SPINK14: variants seen among roughly 807,000 people sequenced by gnomAD.
SPINK14 encodes the protein serine protease inhibitor Kazal-type 14.
A neutral mutation model predicts 14.2 loss-of-function variants in SPINK14; 6 were observed. The ratio of observed to expected loss-of-function variants is 0.42; its 90% confidence interval spans 0.23 to 0.83. SPINK14 has a LOEUF of 0.83. SPINK14 is among the 40% of genes least tolerant of loss of function. The pLI is 0.28. For synonymous variants in SPINK14, 34 were observed against 36.8 expected (o/e 0.92, Z 0.27); for missense variants, 86 against 108.3 (o/e 0.79, Z 0.91).
At chr5:148,171,081 C>T (rs1179460521) in intron 3 of SPINK14, 108 bp downstream of exon 3, 3 of 993,274 alleles carry the variant, frequency 3.0e-6, no homozygotes, top group African/African-American at 3.3e-5. Context: ...CCGTAATAGT[C>T]TTCAAGGCCT....
chr5:148,170,140 T>G, intron 2 of SPINK14, among the ~76,000 whole-genome samples: 1 of 147,660 alleles, frequency 6.8e-6, no homozygotes, highest in Non-Finnish European at 1.5e-5. Context: ...AGTATATATA[T>G]GTATACACAT....
rs777519973 is a variant in SPINK14 at position 148,170,169 on chromosome 5, T to TAC, written c.67+371_67+372insCA. 1.9e-3 allele frequency among the ~76,000 whole-genome samples: 200 copies of TAC among 105,686 alleles called. 1 individual carries two copies. The highest frequency in any genetic ancestry group is 5.1e-3 in the African/African-American group (164 of 31,942). 69.3% of individuals were successfully genotyped at this position (105,686 alleles called of 152,430 possible). A position where few individuals can be genotyped will look rare whatever the true frequency, so the allele number is the denominator to read the frequency against. ...TACACATACTCAGAGTATATATATA[T>TAC]ATATACACACACACACACACACACA... is the stretch of plus-strand genomic sequence containing the variant. On this transcript the variant is annotated intron_variant, in intron 2 of 4. Coordinates refer to ENST00000356972, the MANE Select transcript of SPINK14 (RefSeq NM_001001325.2).
intron 4 of SPINK14, 36 bp from the exon 5 acceptor site, chr5:148,175,317 T>C (rs1398773662): frequency 7.6e-7 from 1 of 1,316,950 alleles, no homozygotes; most frequent in East Asian, 2.3e-5. Context: ...GACATTGTAT[T>C]ACTAAATGAA....
At chr5:148,170,583 G>A (rs1051109406) in intron 2 of SPINK14, among the ~76,000 whole-genome samples, 1 of 151,978 alleles carries the variant, frequency 6.6e-6, no homozygotes, top group African/African-American at 2.4e-5. Context: ...TGATGATTGG[G>A]CCAAAAGATC....
At chr5:148,171,897 T>C (rs1194409381) in intron 3 of SPINK14, among the ~76,000 whole-genome samples, 1 of 152,134 alleles carries the variant, frequency 6.6e-6, no homozygotes, top group East Asian at 1.9e-4. Flanking sequence ...ACCTGCAGGA[T>C]AAGTCTGCCT....
chr5:148,172,855 C>A (rs1238438625), intron 3 of SPINK14, among the ~76,000 whole-genome samples: 1 of 151,942 alleles, frequency 6.6e-6, no homozygotes, highest in South Asian at 2.1e-4. Context: ...AAAAGAAAAG[C>A]AAACTAACGA....
At chr5:148,175,284 T>TC in intron 4 of SPINK14, 69 bp from the exon 5 acceptor site, 2 of 1,019,462 alleles carry the variant, frequency 2.0e-6, no homozygotes, top group Non-Finnish European at 2.9e-6. Flanking sequence ...GATAGATAAT[T>TC]TTAAAAGTAT....
At chr5:148,173,870 T>TC (rs1755137716) in intron 3 of SPINK14, among the ~76,000 whole-genome samples, 1 of 89,294 alleles carries the variant, frequency 1.1e-5, no homozygotes. Context: ...TTTTTTTTTT[T>TC]TTTTTAGGTG....
At chr5:148,172,216 A>T (rs1755114470) in intron 3 of SPINK14, among the ~76,000 whole-genome samples, 1 of 152,162 alleles carries the variant, frequency 6.6e-6, no homozygotes, top group South Asian at 2.1e-4. Context: ...GTGAGACTTG[A>T]AGGATAAAAA....
At position 148,175,360 on chromosome 5, in the gene SPINK14, C is replaced by G. The variant is rs1208188266; in HGVS notation, c.256C>G (p.His86Asp). The G allele has an allele frequency of 6.3e-7, 1 of 1,593,028 alleles. No individual in the cohort carries two copies. The highest frequency in any genetic ancestry group is 1.3e-5 in the African/African-American group (1 of 74,382). The part of the protein sequence containing the change: ...CILCVESLKS[H>D]GRIRFYHDGK... ...TTCTGATTCTTCCTTTAGGAAATCT[C>G]ATGGAAGAATCAGGTTTTACCATGA... Residue 86 changes from histidine (H) to aspartate (D), a missense_variant, in exon 5 of 5, where the codon CAT (histidine) becomes GAT (aspartate). His to Asp is a moderately conservative substitution (Grantham distance 81). Transcript: ENST00000356972.
At chr5:148,171,185 CAG>C (rs1755101566) in intron 3 of SPINK14, among the ~76,000 whole-genome samples, 1 of 152,074 alleles carries the variant, frequency 6.6e-6, no homozygotes, top group African/African-American at 2.4e-5. Flanking sequence ...ATACATACAC[CAG>C]AGAACCCTCT....
chr5:148,170,215 G>T (rs528004269), intron 2 of SPINK14, among the ~76,000 whole-genome samples: 2,135 of 145,618 alleles, frequency 0.015, 47 homozygotes, highest in African/African-American at 0.049. Flanking sequence ...TATATATATA[G>T]AGAGAGAGAG....
intron 2 of SPINK14, 143 bp from the exon 3 acceptor site, chr5:148,170,787 A>G (rs1464709295): frequency 5.5e-6 from 4 of 724,170 alleles, no homozygotes; most frequent in Non-Finnish European, 9.5e-6. Flanking sequence ...AAAAAAATGA[A>G]TGAATACATG....
Position 148,175,501 on chromosome 5 carries a change from C to A in SPINK14, c.*103C>A. On this transcript the variant is annotated 3_prime_UTR_variant, in exon 5 of 5. Transcript: ENST00000356972. ...ATCTCCTTGCATTTGTTCTTCATGA[C>A]AAAGAGCTATCACTACTGAGCTTGT... is the stretch of plus-strand genomic sequence containing the variant. 3 of 888,408 alleles carry A rather than the reference C, an allele frequency of 3.4e-6. No individual in the cohort carries two copies. Among genetic ancestry groups the A allele is most frequent in the Non-Finnish European group, 5.4e-6 (3 of 554,622 alleles). The allele number at this position is 888,408 out of a possible 1,614,324, so 55.0% of individuals were successfully genotyped here.
chr5:148,172,606 C>G (rs1304522381), intron 3 of SPINK14, among the ~76,000 whole-genome samples: 1 of 152,044 alleles, frequency 6.6e-6, no homozygotes, highest in Non-Finnish European at 1.5e-5. Context: ...GGCTTATACT[C>G]CTTTGGGGGT....
chr5:148,174,255 G>C lies in SPINK14; in HGVS notation c.133G>C (p.Val45Leu). The C allele has an allele frequency of 1.8e-6, 2 of 1,114,414 alleles. 1 individual carries two copies. The highest frequency in any genetic ancestry group is 3.1e-5 in the South Asian group (2 of 64,326). The allele number at this position is 1,114,414 out of a possible 1,614,324, so 69.0% of individuals were successfully genotyped here. A position where few individuals can be genotyped will look rare whatever the true frequency, so the allele number is the denominator to read the frequency against. Residue 45 changes from valine (V) to leucine (L), a missense_variant, in exon 4 of 5, where the codon GTA becomes CTA. Val to Leu is a conservative substitution (Grantham distance 32). Transcript: ENST00000356972. ...IIKVKCPYEK[V>L]NLSWYNGTVN... ...TCAGGTGAAATGTCCATATGAGAAAGTAAACTTGAGCTGGTACAATGGAAC... is the reference window on the plus strand; with the variant it reads ...TCAGGTGAAATGTCCATATGAGAAACTAAACTTGAGCTGGTACAATGGAAC...
chr5:148,171,800 G>T (rs1325667949), intron 3 of SPINK14, among the ~76,000 whole-genome samples: 3 of 152,072 alleles, frequency 2.0e-5, no homozygotes, highest in Non-Finnish European at 4.4e-5. Flanking sequence ...AGAGGCTACT[G>T]CCCCAGAAAA....
intron 3 of SPINK14, among the ~76,000 whole-genome samples, chr5:148,171,803 C>A (rs1755108886): frequency 6.6e-6 from 1 of 152,052 alleles, no homozygotes; most frequent in Admixed American, 6.6e-5. Flanking sequence ...GGCTACTGCC[C>A]CAGAAAATAT....
intron 2 of SPINK14, 109 bp downstream of exon 2, chr5:148,169,908 A>G: frequency 3.0e-6 from 2 of 672,026 alleles, no homozygotes; most frequent in East Asian, 6.3e-5. Flanking sequence ...GGATGAATAT[A>G]TATATATGTG....
Sources: allele counts gnomAD v4.1 joint callset (sites outside exome capture counted in the v4.1 genomes callset), GRCh38; gene constraint gnomAD v4.1.1; transcripts MANE v1.5; gene names NCBI Gene and HGNC (gene_info 2026-07-23, HGNC 2026-07-21).